GLIS3: variants seen among roughly 807,000 people sequenced by gnomAD.
GLIS3 encodes the protein GLIS family zinc finger 3.
GLIS3 carries 53 observed loss-of-function variants against 78.6 expected under a neutral mutation model. That is an observed-to-expected ratio of 0.67 (90% confidence interval 0.54 to 0.85). The LOEUF is 0.85. Ranked by LOEUF, GLIS3 falls within the 40% of genes least tolerant of loss-of-function variation. The pLI, the probability that GLIS3 is intolerant of heterozygous loss-of-function variation, is 0.00. For missense variants in GLIS3, 1,703 were observed against 1,231.1 expected (o/e 1.38, Z -5.74); for synonymous variants, 684 against 509.9 (o/e 1.34, Z -4.60).
At chr9:4,303,379 A>G (rs1260486668), upstream of GLIS3, among the ~76,000 whole-genome samples, 1 of 152,110 alleles carries the variant, frequency 6.6e-6, no homozygotes, top group Non-Finnish European at 1.5e-5. Context: ...TGTAAAATGG[A>G]AAATTTCCAT....
intron 8 of GLIS3, among the ~76,000 whole-genome samples, chr9:3,878,135 A>C (rs1821446174): frequency 1.3e-5 from 2 of 151,978 alleles, no homozygotes. Context: ...GCCCCCACTG[A>C]GGCATCCAGA....
At chr9:3,866,649 T>C (rs923647436) in intron 8 of GLIS3, among the ~76,000 whole-genome samples, 7 of 152,310 alleles carry the variant, frequency 4.6e-5, no homozygotes, top group Admixed American at 4.6e-4. Flanking sequence ...GAGTGTTTTC[T>C]AGAAACTCCA....
chr9:4,211,564 T>C (rs1820376876), intron 2 of GLIS3, among the ~76,000 whole-genome samples: 1 of 152,246 alleles, frequency 6.6e-6, no homozygotes, highest in Non-Finnish European at 1.5e-5. Flanking sequence ...GGCTGCCGCA[T>C]GCATTCTTAG....
At chr9:4,250,253 C>CT (rs1485866003) in intron 2 of GLIS3, among the ~76,000 whole-genome samples, 1 of 152,006 alleles carries the variant, frequency 6.6e-6, no homozygotes, top group Non-Finnish European at 1.5e-5. Flanking sequence ...TGGTCCTGGG[C>CT]TTTTTTTGGT....
At chr9:4,463,440 A>G in the GLIS3 span, among the ~76,000 whole-genome samples, 5 of 151,964 alleles carry the variant, frequency 3.3e-5, no homozygotes, top group Non-Finnish European at 7.4e-5. Flanking sequence ...CTCTCCTCTT[A>G]TGCTCCCCCA....
chr9:3,986,622 G>A (rs1374082496), intron 4 of GLIS3, among the ~76,000 whole-genome samples: 1 of 152,238 alleles, frequency 6.6e-6, no homozygotes, highest in African/African-American at 2.4e-5. Flanking sequence ...GCACTGGCAG[G>A]GAAATCTCAC....
chr9:4,407,588 G>A, the GLIS3 span, among the ~76,000 whole-genome samples: 296 of 152,258 alleles, frequency 1.9e-3, 2 homozygotes, highest in Middle Eastern at 3.4e-3. Flanking sequence ...CGGAGCTTGC[G>A]GTGAGCCGAG....
chr9:3,947,620 C>T (rs1355353915), intron 4 of GLIS3, among the ~76,000 whole-genome samples: 1 of 152,188 alleles, frequency 6.6e-6, no homozygotes, highest in East Asian at 1.9e-4. Flanking sequence ...GAAATTCACA[C>T]ACGAAGAGAA....
At chr9:3,837,950 C>T (rs925973644) in intron 9 of GLIS3, among the ~76,000 whole-genome samples, 2 of 151,220 alleles carry the variant, frequency 1.3e-5, no homozygotes, top group Admixed American at 6.6e-5. Flanking sequence ...AACAAAGGCA[C>T]CACTCTGGTG....
At chr9:3,828,557 T>G in intron 10 of GLIS3, 149 bp from the exon 11 acceptor site, 1 of 970,884 alleles carries the variant, frequency 1.0e-6, no homozygotes, top group Non-Finnish European at 1.6e-6. Flanking sequence ...AGTCTCTGTT[T>G]CCAGCGACCT....
chr9:3,979,802 A>G (rs1449542692), intron 4 of GLIS3, among the ~76,000 whole-genome samples: 1 of 152,234 alleles, frequency 6.6e-6, no homozygotes. Context: ...CTACTTTAAA[A>G]AGATAATTAT....
At chr9:4,049,489 C>G (rs1273798881) in intron 4 of GLIS3, among the ~76,000 whole-genome samples, 1 of 152,176 alleles carries the variant, frequency 6.6e-6, no homozygotes, top group East Asian at 1.9e-4. Flanking sequence ...TGCCAATGCC[C>G]ACAGCCCACA....
chr9:3,912,803 C>T (rs1012763083), intron 6 of GLIS3, among the ~76,000 whole-genome samples: 4 of 152,150 alleles, frequency 2.6e-5, no homozygotes, highest in East Asian at 3.8e-4. Context: ...AATGTTAATA[C>T]GGAATTTCAC....
chr9:4,403,679 A>T, the GLIS3 span, among the ~76,000 whole-genome samples: 3 of 152,298 alleles, frequency 2.0e-5, no homozygotes, highest in Admixed American at 2.0e-4. Context: ...ATAAAATAGT[A>T]TTTGCAAGAC....
upstream of GLIS3, among the ~76,000 whole-genome samples, chr9:4,350,051 G>T (rs1438988733): frequency 6.6e-6 from 1 of 152,224 alleles, no homozygotes; most frequent in African/African-American, 2.4e-5. Context: ...ACCAAACTGA[G>T]AGAGTCAGAT....
rs935705156 is a variant in GLIS3, at chr9:3,825,807, G to A, written c.*2465C>T. 6.6e-6 allele frequency: 1 copy of A among 152,198 alleles called. No homozygotes were observed. Among genetic ancestry groups the A allele is most frequent in the Non-Finnish European group, 1.5e-5 (1 of 68,050 alleles). The allele number at this position is 152,198 out of a possible 1,614,324, so 9.4% of individuals were successfully genotyped here. The stretch of plus-strand genomic sequence containing the variant: ...CCTGCAGCTATCAGGAAAGACCCAC[G>A]GTGCGGGAAGCAGGGCTGCACTGGG... On this transcript the variant is annotated 3_prime_UTR_variant, in exon 11 of 11. Coordinates refer to ENST00000381971, the MANE Select transcript of GLIS3 (RefSeq NM_001042413.2).
chr9:4,257,274 T>C (rs948631814), intron 2 of GLIS3, among the ~76,000 whole-genome samples: 1 of 152,094 alleles, frequency 6.6e-6, no homozygotes, highest in Non-Finnish European at 1.5e-5. Flanking sequence ...ATATGTGGAA[T>C]CTAAAATTTT....
the GLIS3 span, among the ~76,000 whole-genome samples, chr9:4,446,504 A>AT: frequency 0.026 from 3,181 of 124,088 alleles, 91 homozygotes; most frequent in African/African-American, 0.051. Context: ...AAATATCCAA[A>AT]TTTTTTTTTT....
At chr9:4,013,630 G>A (rs1264068894) in intron 4 of GLIS3, among the ~76,000 whole-genome samples, 1 of 152,200 alleles carries the variant, frequency 6.6e-6, no homozygotes, top group Non-Finnish European at 1.5e-5. Context: ...GAGGGCTCAA[G>A]AGATACTATT....
Sources: allele counts gnomAD v4.1 joint callset (sites outside exome capture counted in the v4.1 genomes callset), GRCh38; gene constraint gnomAD v4.1.1; transcripts MANE v1.5; gene names NCBI Gene and HGNC (gene_info 2026-07-23, HGNC 2026-07-21).